The following SLC22A6 variants were observed in gnomAD, a reference collection of about 807,000 sequenced individuals.
The protein encoded by SLC22A6 is PAH transporter.
SLC22A6 carries 45 observed loss-of-function variants against 56.7 expected under a neutral mutation model. The observed-to-expected ratio is 0.79, with a 90% confidence interval of 0.63 to 1.02. SLC22A6 has a LOEUF of 1.02. Ranked by LOEUF, SLC22A6 falls within the 50% of genes least tolerant of loss-of-function variation. The pLI, the probability that SLC22A6 is intolerant of heterozygous loss-of-function variation, is 0.00. For missense variants in SLC22A6, 606 were observed against 713.8 expected, an observed-to-expected ratio of 0.85 and a Z score of 1.72; for synonymous variants, 291 against 295.9, an observed-to-expected ratio of 0.98 and a Z score of 0.17.
chr11:62,984,813 G>T lies in SLC22A6; in HGVS notation c.-123C>A. ...CTGCCGTTGCCTCCGCAGCTGGGTT[G>T]CTCCGGGAGCTGAGTCCGAGCTGCT... On this transcript the variant is annotated 5_prime_UTR_variant, in exon 1 of 10. Transcript: ENST00000360421. The T allele has an allele frequency of 9.0e-7, 1 of 1,110,826 alleles. No individual in the cohort carries two copies. The highest frequency in any genetic ancestry group is 1.3e-6 in the Non-Finnish European group (1 of 797,952). The allele number at this position is 1,110,826 out of a possible 1,614,324, so 68.8% of individuals were successfully genotyped here. A position where few individuals can be genotyped will look rare whatever the true frequency, so the allele number is the denominator to read the frequency against.
intron 9 of SLC22A6, 105 bp downstream of exon 9, chr11:62,977,079 G>C (rs2135087249): frequency 6.3e-7 from 1 of 1,596,964 alleles, no homozygotes; most frequent in East Asian, 2.2e-5. Flanking sequence ...AAGGGACACA[G>C]AGCTTTGGGC....
At chr11:62,984,218 TA>T in intron 1 of SLC22A6, 103 bp downstream of exon 1, 1 of 1,438,972 alleles carries the variant, frequency 6.9e-7, no homozygotes. Flanking sequence ...ACTCAGCAGT[TA>T]AAAAACTCAG....
At chr11:62,977,940 C>G (rs1351152461) in intron 8 of SLC22A6, among the ~76,000 whole-genome samples, 1 of 152,224 alleles carries the variant, frequency 6.6e-6, no homozygotes, top group Non-Finnish European at 1.5e-5. Context: ...AGGTTAAAAA[C>G]ATTGACTCAG....
At chr11:62,981,693 T>G in intron 4 of SLC22A6, 149 bp downstream of exon 4, 1 of 808,276 alleles carries the variant, frequency 1.2e-6, no homozygotes, top group Non-Finnish European at 1.9e-6. Flanking sequence ...CAGCCTTGGT[T>G]TCCCTATCTG....
Position 62,983,560 on chromosome 11 carries a change from A to G in SLC22A6, c.605T>C (p.Ile202Thr), listed in dbSNP as rs1322266216. 1.9e-6 allele frequency: 3 copies of G among 1,566,444 alleles called. No individual in the cohort carries two copies. Among genetic ancestry groups the G allele is most frequent in the African/African-American group, 2.7e-5 (2 of 73,786 alleles). Residue 202 changes from isoleucine to threonine, a missense_variant, in exon 3 of 10, where the codon ATC (isoleucine) becomes ACC (threonine). By Grantham distance (89) the Ile-to-Thr change is moderately conservative. Transcript: ENST00000360421. The surrounding 1 kb of genome is among the most constrained non-coding windows in gnomAD (Gnocchi z 4.5). ...RLLSGMALAG[I>T]SLNCMTLNVE... ...ACTCAGTGTCATGCAGTTGAGGGAG[A>G]TGCCAGCCAGAGCCATGCCCGAGAG...
At chr11:62,976,923 C>G (rs748482486) in intron 9 of SLC22A6, 42 bp from the exon 10 acceptor site, 1 of 1,606,876 alleles carries the variant, frequency 6.2e-7, no homozygotes, top group East Asian at 2.2e-5. Flanking sequence ...TATGCAGCCT[C>G]CAGGCCAGGG....
intron 8 of SLC22A6, among the ~76,000 whole-genome samples, chr11:62,978,590 C>CTTTTTTTT (rs1230405831): frequency 2.9e-5 from 3 of 102,570 alleles, no homozygotes; most frequent in Non-Finnish European, 5.8e-5. Context: ...GTCTTGATCT[C>CTTTTTTTT]TTTTTTTTTT....
rs1442795708 is a variant in SLC22A6, at chr11:62,981,310, C to T, written c.871G>A (p.Val291Ile). Reference sequence around the variant, plus strand: ...TCCCGCTTCCCATTGATCCGGGCGACTCTCTGCAGGGCCCTCAGGGTGAGG... The same window carrying T: ...TCCCGCTTCCCATTGATCCGGGCGATTCTCTGCAGGGCCCTCAGGGTGAGG... ...LDLTLRALQR[V>I]ARINGKREEG... The change falls in exon 5 of 10, where the codon GTC becomes ATC. Residue 291 changes from valine to isoleucine, a missense_variant. By Grantham distance (29) the Val-to-Ile change is conservative (BLOSUM62 3). Coordinates refer to ENST00000360421, the MANE Select transcript of SLC22A6 (RefSeq NM_153276.3). The T allele has an allele frequency of 6.2e-7, 1 of 1,606,174 alleles. No individual in the cohort carries two copies. The highest frequency in any genetic ancestry group is 1.1e-5 in the South Asian group (1 of 89,244).
rs1371185877 is a variant in SLC22A6, at chr11:62,983,518, G to A, written c.628+19C>T. ...GGGCTGGGTGGCCGGAGGGGAGTGGGCTGGTAAGAATCTCTCACTCAGTGT... is the reference window on the plus strand; with the variant it reads ...GGGCTGGGTGGCCGGAGGGGAGTGGACTGGTAAGAATCTCTCACTCAGTGT... On this transcript the variant is annotated intron_variant, in intron 3 of 9. Transcript: ENST00000360421. The surrounding 1 kb of genome is among the most constrained non-coding windows in gnomAD (Gnocchi z 4.5). 3.6e-5 allele frequency: 56 copies of A among 1,552,988 alleles called. No homozygotes were observed. The highest frequency in any genetic ancestry group is 4.6e-5 in the Non-Finnish European group (53 of 1,148,472).
chr11:62,978,890 G>A (rs992171383), intron 8 of SLC22A6, among the ~76,000 whole-genome samples: 4 of 151,204 alleles, frequency 2.6e-5, no homozygotes, highest in Admixed American at 6.6e-5. Flanking sequence ...GTGCCCGGCC[G>A]GTCTTGATCT....
rs11568613 is a variant in SLC22A6 at position 62,981,398 on chromosome 11, G to A, written c.798-15C>T. Reference sequence around the variant, plus strand: ...CAATGAAGAACCTGGGAGCGGGGGTGGGGGTGGGTGTCAGCATGGCTTCAG... The same window carrying A: ...CAATGAAGAACCTGGGAGCGGGGGTAGGGGTGGGTGTCAGCATGGCTTCAG... On this transcript the variant is annotated splice_polypyrimidine_tract_variant and intron_variant, in intron 4 of 9. Transcript: ENST00000360421. The A allele has an allele frequency of 1.1e-5, 16 of 1,477,662 alleles. No homozygotes were observed. The East Asian group carries it at 3.4e-4, about 32-fold the overall frequency. 91.5% of individuals were successfully genotyped at this position (1,477,662 alleles called of 1,614,324 possible). A position where few individuals can be genotyped will look rare whatever the true frequency, so the allele number is the denominator to read the frequency against.
chr11:62,984,412 G>A lies in SLC22A6; in HGVS notation c.279C>T (p.Gly93=), dbSNP rs775168603. 10 of 1,613,906 alleles carry A rather than the reference G, an allele frequency of 6.2e-6. No individual in the cohort carries two copies. The South Asian group carries it at 1.1e-4, about 18-fold the overall frequency. The part of the protein sequence containing the change: ...SPQWGLPFLN[G]TEANGTGATE... ...TGGCCCCTGTGCCATTGGCTTCTGT[G>A]CCATTGAGAAAGGGCAGTCCCCACT... The change falls in exon 1 of 10, where the codon GGC becomes GGT. Residue 93 remains glycine (G), a synonymous_variant. Coordinates refer to ENST00000360421, the MANE Select transcript of SLC22A6 (RefSeq NM_153276.3).
intron 5 of SLC22A6, 30 bp downstream of exon 5, chr11:62,981,230 G>T (rs1230587500): frequency 6.2e-7 from 1 of 1,608,954 alleles, no homozygotes; most frequent in Non-Finnish European, 8.5e-7. Flanking sequence ...GCCCTGGGAG[G>T]TTATCATGGG....
Position 62,983,727 on chromosome 11 carries a change from G to A in SLC22A6, c.474-36C>T. 1.9e-6 allele frequency: 3 copies of A among 1,581,784 alleles called. No homozygotes were observed. The highest frequency in any genetic ancestry group is 3.5e-4 in the Middle Eastern group (2 of 5,738). On this transcript the variant is annotated intron_variant, in intron 2 of 9. Coordinates refer to ENST00000360421, the MANE Select transcript of SLC22A6 (RefSeq NM_153276.3). The surrounding 1 kb of genome is among the most constrained non-coding windows in gnomAD (Gnocchi z 4.5). The stretch of plus-strand genomic sequence containing the variant: ...AGGGGAGACTTGTAGCAGGGCCCTG[G>A]AGACTGATGGGGGTCAGGCTGAGCC...
chr11:62,977,534 T>C (rs1251634662), intron 8 of SLC22A6, 147 bp from the exon 9 acceptor site: 1 of 997,972 alleles, frequency 1.0e-6, no homozygotes, highest in African/African-American at 1.6e-5. Flanking sequence ...GCAAACCAAT[T>C]TGGCGATTTT....
chr11:62,979,600 G>T lies in SLC22A6; in HGVS notation c.1253-4C>A. 2 of 1,612,744 alleles carry T rather than the reference G, an allele frequency of 1.2e-6. No homozygotes were observed. Among genetic ancestry groups the T allele is most frequent in the Non-Finnish European group, 1.7e-6 (2 of 1,178,752 alleles). ...GAGGTTCGGACAATGGACTGGTCTA[G>T]AGAGAAAGAAGGGGGGATAGCAGGA... On this transcript the variant is annotated splice_region_variant and splice_polypyrimidine_tract_variant and intron_variant, in intron 7 of 9. Coordinates refer to ENST00000360421, the MANE Select transcript of SLC22A6 (RefSeq NM_153276.3).
Position 62,984,841 on chromosome 11 carries a change from G to T in SLC22A6, c.-151C>A. 1 of 748,624 alleles carries T rather than the reference G, an allele frequency of 1.3e-6. No homozygotes were observed. Among genetic ancestry groups the T allele is most frequent in the East Asian group, 2.7e-5 (1 of 36,882 alleles). 46.4% of individuals were successfully genotyped at this position (748,624 alleles called of 1,614,324 possible). On this transcript the variant is annotated 5_prime_UTR_variant, in exon 1 of 10. Transcript: ENST00000360421. Reference sequence around the variant, plus strand: ...CCGGGAGCTGAGTCCGAGCTGCTCTGTGGGGGGACAGCAGCCTCCTTGGCT... The same window carrying T: ...CCGGGAGCTGAGTCCGAGCTGCTCTTTGGGGGGACAGCAGCCTCCTTGGCT...
At chr11:62,984,172 C>T (rs748006702) in intron 1 of SLC22A6, 125 bp from the exon 2 acceptor site, 74 of 1,248,456 alleles carry the variant, frequency 5.9e-5, no homozygotes, top group Non-Finnish European at 8.1e-5. Context: ...CCCTTTGCCT[C>T]TCTGGTCCTG....
At chr11:62,984,199 T>G in intron 1 of SLC22A6, 123 bp downstream of exon 1, 1 of 1,348,550 alleles carries the variant, frequency 7.4e-7, no homozygotes. Flanking sequence ...GAGAGCATTT[T>G]TCTTTTTAAC....
Sources: gnomAD v4.1 joint callset for allele counts (sites outside exome capture counted in the v4.1 genomes callset) on GRCh38, gnomAD v4.1.1 for gene constraint, Gnocchi (gnomAD v3.1) non-coding constraint, MANE v1.5 for transcripts, NCBI Gene and HGNC (gene_info 2026-07-23, HGNC 2026-07-21) for gene names.